Variants in HSD17B2 observed in about 807,000 individuals in gnomAD.
HSD17B2 encodes 17-beta-hydroxysteroid dehydrogenase type 2.
In HSD17B2, 32 loss-of-function variants were observed where a neutral mutation model predicts 26.9. The observed-to-expected ratio is 1.19, with a 90% CI of 0.90 to 1.60. HSD17B2 has a LOEUF of 1.60. Among genes scored for constraint, HSD17B2 ranks in the 40% most tolerant of loss-of-function variants. The pLI is 0.00. For synonymous variants in HSD17B2, 246 were observed against 186.7 expected, an observed-to-expected ratio of 1.32 and a Z score of -2.59; for missense variants, 613 against 468.6, an observed-to-expected ratio of 1.31 and a Z score of -2.85.
intron 2 of HSD17B2, among the ~76,000 whole-genome samples, chr16:82,070,401 A>C (rs971617244): frequency 9.9e-5 from 15 of 152,182 alleles, no homozygotes; most frequent in Non-Finnish European, 1.8e-4. Flanking sequence ...CGGCTATCCC[A>C]ATGCCCTCCT....
rs369996562 is a variant in HSD17B2 at position 82,076,242 on chromosome 16, G to A, written c.664+5115G>A. Among the ~76,000 whole-genome samples, 24 of 152,102 alleles carry A rather than the reference G, an allele frequency of 1.6e-4. No homozygotes were observed. The East Asian group carries it at 3.3e-3, about 21-fold the overall frequency. On this transcript the variant is annotated intron_variant, in intron 3 of 4. Transcript: ENST00000199936. ...GTGTATAGAAGGAACACATCTCAAC[G>A]TAACAAAAGCCATATACAATAGACC...
rs576691539 is a variant in HSD17B2 at position 82,053,926 on chromosome 16, G to A, written c.266-14244G>A. 2.9e-3 allele frequency among the ~76,000 whole-genome samples: 442 copies of A among 152,292 alleles called. 2 individuals carry two copies. Among genetic ancestry groups the A allele is most frequent in the Non-Finnish European group, 4.7e-3 (319 of 68,014 alleles). On this transcript the variant is annotated intron_variant, in intron 1 of 4. Transcript: ENST00000199936. ...GTTCATTATCAGTTTTATTTAATAAGCAGTTGTTCCTGATAATCAAAGTGA... is the reference window on the plus strand; with the variant it reads ...GTTCATTATCAGTTTTATTTAATAAACAGTTGTTCCTGATAATCAAAGTGA...
intron 3 of HSD17B2, among the ~76,000 whole-genome samples, chr16:82,082,269 T>C (rs566051027): frequency 6.6e-6 from 1 of 152,196 alleles, no homozygotes; most frequent in East Asian, 1.9e-4. Context: ...TTGTCCAGCC[T>C]CAGTGAGAAG....
chr16:82,057,961 G>T (rs745483102), intron 1 of HSD17B2, among the ~76,000 whole-genome samples: 1 of 151,960 alleles, frequency 6.6e-6, no homozygotes, highest in African/African-American at 2.4e-5. Flanking sequence ...TAAAAGTAAC[G>T]CAATGTGAAT....
In HSD17B2 at chr16:82,035,675, C is replaced by G; in HGVS notation, c.251C>G (p.Ala84Gly). Residue 84 changes from alanine to glycine, a missense_variant, in exon 1 of 5, where the codon GCA becomes GGA. Transcript: ENST00000199936. Reference protein sequence around the residue: ...GQELLPVDQKAVLVTGGDCGL... With the variant: ...GQELLPVDQKGVLVTGGDCGL... The stretch of plus-strand genomic sequence containing the variant: ...GAATTGTTACCTGTGGATCAGAAGG[C>G]AGTCCTGGTGACAGGTAAGCAGACG... 1.2e-6 allele frequency: 2 copies of G among 1,613,650 alleles called. No individual in the cohort carries two copies. The highest frequency in any genetic ancestry group is 1.7e-6 in the Non-Finnish European group (2 of 1,179,824).
At chr16:82,074,541 G>C (rs539082196) in intron 3 of HSD17B2, among the ~76,000 whole-genome samples, 1 of 152,292 alleles carries the variant, frequency 6.6e-6, no homozygotes, top group East Asian at 1.9e-4. Context: ...AAAAGATCAG[G>C]AGTAGCTATA....
At chr16:82,059,530 T>G (rs1250881466) in intron 1 of HSD17B2, among the ~76,000 whole-genome samples, 1 of 152,188 alleles carries the variant, frequency 6.6e-6, no homozygotes, top group East Asian at 1.9e-4. Flanking sequence ...ATTGACTTTT[T>G]TTTAGATTGT....
chr16:82,097,204 G>GTC (rs1567595389), intron 4 of HSD17B2: 12 of 138,912 alleles, frequency 8.6e-5, no homozygotes, highest in African/African-American at 3.3e-4. Context: ...AAATTTCTGT[G>GTC]TATATGTCTA....
rs77415946 is a variant in HSD17B2 at position 82,089,447 on chromosome 16, T to C, written c.665-1455T>C. 1.2e-3 allele frequency among the ~76,000 whole-genome samples: 182 copies of C among 152,286 alleles called. No individual in the cohort carries two copies. The East Asian group carries it at 0.032, about 27-fold the overall frequency. On this transcript the variant is annotated intron_variant, in intron 3 of 4. Coordinates refer to ENST00000199936, the MANE Select transcript of HSD17B2 (RefSeq NM_002153.3). The stretch of plus-strand genomic sequence containing the variant: ...TATGGGTCTAGTCTTCGTGTGAGAC[T>C]TCATGAGGCACTGTGAGCCCTACTG...
intron 1 of HSD17B2, among the ~76,000 whole-genome samples, chr16:82,062,829 A>G (rs1465800336): frequency 3.3e-5 from 5 of 152,196 alleles, no homozygotes; most frequent in Non-Finnish European, 7.3e-5. Context: ...AGGTTTCCGG[A>G]GTATACAATT....
intron 1 of HSD17B2, among the ~76,000 whole-genome samples, chr16:82,047,983 T>C (rs999744873): frequency 8.5e-5 from 13 of 152,208 alleles, no homozygotes; most frequent in Non-Finnish European, 1.0e-4. Flanking sequence ...GAAGAGGAGC[T>C]GACTTTGCGA....
At chr16:82,041,091 G>A (rs943744479) in intron 1 of HSD17B2, among the ~76,000 whole-genome samples, 3 of 152,176 alleles carry the variant, frequency 2.0e-5, no homozygotes, top group African/African-American at 7.2e-5. Context: ...ATTGTATCAG[G>A]CATTATAGAT....
At chr16:82,050,097 A>G (rs1422209147) in intron 1 of HSD17B2, among the ~76,000 whole-genome samples, 1 of 152,228 alleles carries the variant, frequency 6.6e-6, no homozygotes, top group Non-Finnish European at 1.5e-5. Flanking sequence ...TACTTTACAA[A>G]TGAACCACAG....
chr16:82,057,030 A>G (rs550642875), intron 1 of HSD17B2, among the ~76,000 whole-genome samples: 10 of 152,218 alleles, frequency 6.6e-5, no homozygotes, highest in Non-Finnish European at 7.3e-5. Context: ...AGTAAGCCAT[A>G]ATCCAAAGTA....
At chr16:82,047,184 T>C (rs1000801539) in intron 1 of HSD17B2, among the ~76,000 whole-genome samples, 10 of 152,232 alleles carry the variant, frequency 6.6e-5, no homozygotes, top group Admixed American at 3.3e-4. Context: ...TGAGCAATCA[T>C]AAGTGCTCTG....
chr16:82,057,647 G>C (rs1211154702), intron 1 of HSD17B2, among the ~76,000 whole-genome samples: 3 of 152,188 alleles, frequency 2.0e-5, no homozygotes, highest in African/African-American at 7.2e-5. Context: ...ATCAGCAGCA[G>C]TCTTAAGTCA....
intron 1 of HSD17B2, among the ~76,000 whole-genome samples, chr16:82,066,194 G>C (rs529296690): frequency 1.3e-5 from 2 of 152,282 alleles, no homozygotes; most frequent in East Asian, 1.9e-4. Context: ...GTTTCAGTTG[G>C]TACCATCTCC....
intron 3 of HSD17B2, among the ~76,000 whole-genome samples, chr16:82,079,528 G>C (rs971322930): frequency 6.6e-6 from 1 of 152,060 alleles, no homozygotes; most frequent in African/African-American, 2.4e-5. Context: ...TCTTTTTAAA[G>C]GTTCTATCTT....
chr16:82,064,248 C>T (rs1394798499), intron 1 of HSD17B2, among the ~76,000 whole-genome samples: 2 of 152,198 alleles, frequency 1.3e-5, no homozygotes, highest in Non-Finnish European at 2.9e-5. Context: ...ATCACAATGT[C>T]TCCTCCTTGC....
Sources: gnomAD v4.1 joint callset for allele counts (sites outside exome capture counted in the v4.1 genomes callset) on GRCh38, gnomAD v4.1.1 for gene constraint, MANE v1.5 for transcripts, NCBI Gene and HGNC (gene_info 2026-07-23, HGNC 2026-07-21) for gene names.